The following PRPF40B variants were observed in gnomAD, a reference collection of about 807,000 sequenced individuals.
The protein encoded by PRPF40B is pre-mRNA processing factor 40B, also known as pre-mRNA-processing factor 40 homolog B.
PRPF40B carries 56 observed loss-of-function variants against 124.5 expected under a neutral mutation model. The ratio of observed to expected loss-of-function variants is 0.45; its 90% CI spans 0.36 to 0.56. The LOEUF is 0.56. Ranked by LOEUF, PRPF40B falls within the 20% of genes least tolerant of loss-of-function variation. PRPF40B has a pLI of 0.00. For missense variants in PRPF40B, 1,053 were observed against 1,169.5 expected, an observed-to-expected ratio of 0.90 and a Z score of 1.45; for synonymous variants, 443 against 426.4, an observed-to-expected ratio of 1.04 and a Z score of -0.48.
At chr12:49,639,619 T>C (rs533116604) in intron 18 of PRPF40B, 1 of 152,304 alleles carries the variant, frequency 6.6e-6, no homozygotes, top group Admixed American at 6.5e-5. Context: ...TGAAGCAGCT[T>C]GAATCTTTTT....
chr12:49,642,733 C>G lies in PRPF40B; in HGVS notation c.2118+58C>G. On this transcript the variant is annotated intron_variant, in intron 21 of 25. Coordinates refer to ENST00000548825, the MANE Select transcript of PRPF40B (RefSeq NM_001031698.3). The surrounding 1 kb of genome is among the most constrained non-coding windows in gnomAD (Gnocchi z 5.8). ...GGCCCTTGAACTCATTAGACCAGTT[C>G]AACAGAGACCTCAGTGGCCTCCCTC... The G allele has an allele frequency of 6.4e-7, 1 of 1,556,144 alleles. No individual in the cohort carries two copies. The highest frequency in any genetic ancestry group is 1.2e-5 in the South Asian group (1 of 86,220).
chr12:49,632,016 C>A lies in PRPF40B; in HGVS notation c.294+91C>A. 18 of 1,294,722 alleles carry A rather than the reference C, an allele frequency of 1.4e-5. No homozygotes were observed. In the South Asian group the frequency reaches 2.1e-4, roughly 15 times the overall value. 80.2% of individuals were successfully genotyped at this position (1,294,722 alleles called of 1,614,324 possible). A position where few individuals can be genotyped will look rare whatever the true frequency, so the allele number is the denominator to read the frequency against. Reference sequence around the variant, plus strand: ...CAGGACTATGACCTCCATTCTTTCCCTCTTCTCATCGCATCCACCCAGGTC... The same window carrying A: ...CAGGACTATGACCTCCATTCTTTCCATCTTCTCATCGCATCCACCCAGGTC... On this transcript the variant is annotated intron_variant, in intron 4 of 25. Transcript: ENST00000548825.
intron 7 of PRPF40B, 37 bp downstream of exon 7, chr12:49,633,161 G>T (rs1565830419): frequency 6.5e-7 from 1 of 1,527,408 alleles, no homozygotes; most frequent in East Asian, 2.3e-5. Flanking sequence ...CCTTTCAGCT[G>T]CCCTGACCCT....
Position 49,635,581 on chromosome 12 carries a change from A to C in PRPF40B, c.1275+108A>C. On this transcript the variant is annotated intron_variant, in intron 14 of 25. Coordinates refer to ENST00000548825, the MANE Select transcript of PRPF40B (RefSeq NM_001031698.3). This position sits in a 1 kb window ranked among gnomAD's most constrained non-coding sequence, Gnocchi z 4.1. ...TACTTCTCTACTTCCCCAGTGTCCC[A>C]GCTTCTGACTTGGAAGCTGGTATGG... is the stretch of plus-strand genomic sequence containing the variant. 1 of 1,147,364 alleles carries C rather than the reference A, an allele frequency of 8.7e-7. No homozygotes were observed. The highest frequency in any genetic ancestry group is 1.2e-6 in the Non-Finnish European group (1 of 806,898). The allele number at this position is 1,147,364 out of a possible 1,614,324, so 71.1% of individuals were successfully genotyped here.
intron 10 of PRPF40B, 54 bp from the exon 11 acceptor site, chr12:49,634,278 C>T (rs1941524411): frequency 6.2e-7 from 1 of 1,612,898 alleles, no homozygotes; most frequent in African/African-American, 1.3e-5. Context: ...GTTCAGGGCA[C>T]TGAAAGCTGT....
intron 10 of PRPF40B, 102 bp downstream of exon 10, chr12:49,634,194 G>A: frequency 6.3e-7 from 1 of 1,575,014 alleles, no homozygotes; most frequent in Non-Finnish European, 8.6e-7. Flanking sequence ...GGGGTTTGAA[G>A]ATCTGGGTGT....
chr12:49,624,953 C>T (rs996542283), intron 1 of PRPF40B, among the ~76,000 whole-genome samples: 1 of 151,780 alleles, frequency 6.6e-6, no homozygotes, highest in African/African-American at 2.4e-5. Context: ...CTAGGATGGT[C>T]TTTGAAACGG....
Position 49,626,659 on chromosome 12 carries a change from T to G in PRPF40B, c.3+3066T>G, listed in dbSNP as rs1940745871. 2.0e-5 allele frequency among the ~76,000 whole-genome samples: 3 copies of G among 152,278 alleles called. No homozygotes were observed. In the South Asian group the frequency reaches 6.2e-4, roughly 32 times the overall value. The stretch of plus-strand genomic sequence containing the variant: ...AAAGAAGAGTGTGGGGCGGCCTTCG[T>G]TGCAAGGCTTTGACTGTTAGATGAA... On this transcript the variant is annotated intron_variant, in intron 1 of 25. Transcript: ENST00000548825.
intron 1 of PRPF40B, chr12:49,624,161 G>A: frequency 3.0e-6 from 3 of 985,634 alleles, no homozygotes; most frequent in Non-Finnish European, 3.6e-6. Flanking sequence ...ACGACTCTGT[G>A]TGACCTTGGG....
rs767582075 is a variant in PRPF40B at position 49,634,389 on chromosome 12, G to A, written c.870G>A (p.Arg290=). The A allele has an allele frequency of 1.2e-6, 2 of 1,614,122 alleles. No individual in the cohort carries two copies. Among genetic ancestry groups the A allele is most frequent in the Non-Finnish European group, 1.7e-6 (2 of 1,180,048 alleles). ...AGGAATCAAAGCCAGAACCAGAGAG[G>A]TCTGGCCTCAGTTGGAGCAACCGGG... The part of the protein sequence containing the change: ...EEEESKPEPE[R]SGLSWSNREK... The change falls in exon 11 of 26, where the codon AGG becomes AGA. Residue 290 remains arginine, a synonymous_variant. Coordinates refer to ENST00000548825, the MANE Select transcript of PRPF40B (RefSeq NM_001031698.3).
In PRPF40B at chr12:49,642,144, A is replaced by AC; in HGVS notation, c.1885-88dup. 6.2e-7 allele frequency: 1 copy of AC among 1,607,352 alleles called. No individual in the cohort carries two copies. Among genetic ancestry groups the AC allele is most frequent in the Non-Finnish European group, 8.5e-7 (1 of 1,175,556 alleles). ...TCAGGGGATGGTGGTAGAAGCCCAG[A>AC]CCCTAACTTTCCACCTCCTAAGGTA... On this transcript the variant is annotated intron_variant, in intron 19 of 25. Coordinates refer to ENST00000548825, the MANE Select transcript of PRPF40B (RefSeq NM_001031698.3). The surrounding 1 kb of genome is among the most constrained non-coding windows in gnomAD (Gnocchi z 5.8).
intron 7 of PRPF40B, 90 bp downstream of exon 7, chr12:49,633,214 A>G (rs1941414647): frequency 7.7e-7 from 1 of 1,306,024 alleles, no homozygotes; most frequent in Non-Finnish European, 1.1e-6. Flanking sequence ...CATATTCATG[A>G]TGGTTCCTCT....
At position 49,642,351 on chromosome 12, in the gene PRPF40B, G is replaced by A; in HGVS notation, c.2001G>A (p.Glu667=). The A allele has an allele frequency of 1.2e-6, 2 of 1,613,944 alleles. No homozygotes were observed. Among genetic ancestry groups the A allele is most frequent in the Non-Finnish European group, 8.5e-7 (1 of 1,180,040 alleles). ...SMLRQAVPAL[E]LGTAWEEVRE... ...TGAGGCAGGCTGTGCCTGCTCTGGA[G>A]CTAGGCACTGCCTGGGAAGAGGTCA... is the stretch of plus-strand genomic sequence containing the variant. The change falls in exon 20 of 26, where the codon GAG becomes GAA. Residue 667 remains glutamate (E), a synonymous_variant. Coordinates refer to ENST00000548825, the MANE Select transcript of PRPF40B (RefSeq NM_001031698.3). This position sits in a 1 kb window ranked among gnomAD's most constrained non-coding sequence, Gnocchi z 5.8.
At chr12:49,622,709 A>G (rs1940319163), upstream of PRPF40B, 1 of 152,202 alleles carries the variant, frequency 6.6e-6, no homozygotes, top group African/African-American at 2.4e-5. Flanking sequence ...GGAACCTAGC[A>G]CGGCATCACG....
At chr12:49,625,208 T>C (rs756798568) in intron 1 of PRPF40B, among the ~76,000 whole-genome samples, 21 of 152,144 alleles carry the variant, frequency 1.4e-4, no homozygotes, top group Non-Finnish European at 2.6e-4. Context: ...TGTATCTGAA[T>C]GTAAGCAGTA....
rs761770547 is a variant in PRPF40B, at chr12:49,644,577, C to A, written c.*385C>A. On this transcript the variant is annotated 3_prime_UTR_variant, in exon 26 of 26. Coordinates refer to ENST00000548825, the MANE Select transcript of PRPF40B (RefSeq NM_001031698.3). Reference sequence around the variant, plus strand: ...AGTGCCTGCTCCTGCCTGCCCTGGCCCTGAGGCTCCACCACTTCTTCCTCC... The same window carrying A: ...AGTGCCTGCTCCTGCCTGCCCTGGCACTGAGGCTCCACCACTTCTTCCTCC... The A allele has an allele frequency of 3.7e-5, 9 of 242,996 alleles. No homozygotes were observed. In the East Asian group the frequency reaches 6.7e-4, roughly 18 times the overall value. 15.1% of individuals were successfully genotyped at this position (242,996 alleles called of 1,614,324 possible). A position where few individuals can be genotyped will look rare whatever the true frequency, so the allele number is the denominator to read the frequency against.
Position 49,631,425 on chromosome 12 carries a change from C to G in PRPF40B, c.109C>G (p.Pro37Ala). The G allele has an allele frequency of 4.1e-6, 6 of 1,451,128 alleles. No homozygotes were observed. The highest frequency in any genetic ancestry group is 5.5e-6 in the Non-Finnish European group (6 of 1,093,986). The allele number at this position is 1,451,128 out of a possible 1,614,324, so 89.9% of individuals were successfully genotyped here. The stretch of plus-strand genomic sequence containing the variant: ...GATGCCCCCTCCAGGGATCCCCCCA[C>G]CCTTTCCTCCGATGGGGCTACCCCC... The part of the protein sequence containing the change: ...PFMPPPGIPP[P>A]FPPMGLPPMS... Residue 37 changes from proline (P) to alanine (A), a missense_variant, in exon 3 of 26, where the codon CCC becomes GCC. This residue lies in a region of PRPF40B where 158 missense variants were observed against 117.3 expected (regional missense o/e 1.35). Transcript: ENST00000548825. The surrounding 1 kb of genome is among the most constrained non-coding windows in gnomAD (Gnocchi z 4.3).
In PRPF40B at chr12:49,642,447, C is replaced by A; in HGVS notation, c.2022+75C>A. On this transcript the variant is annotated intron_variant, in intron 20 of 25. Coordinates refer to ENST00000548825, the MANE Select transcript of PRPF40B (RefSeq NM_001031698.3). The surrounding 1 kb of genome is among the most constrained non-coding windows in gnomAD (Gnocchi z 5.8). ...GTGCTTCACCACTGAGGGCCCACCCCAGTCACGTCACAGCCCTGGGCCAGC... is the reference window on the plus strand; with the variant it reads ...GTGCTTCACCACTGAGGGCCCACCCAAGTCACGTCACAGCCCTGGGCCAGC... 1 of 1,580,246 alleles carries A rather than the reference C, an allele frequency of 6.3e-7. No homozygotes were observed. Among genetic ancestry groups the A allele is most frequent in the Non-Finnish European group, 8.7e-7 (1 of 1,152,116 alleles).
At chr12:49,627,059 T>A (rs1213554250) in intron 1 of PRPF40B, among the ~76,000 whole-genome samples, 1 of 152,178 alleles carries the variant, frequency 6.6e-6, no homozygotes, top group Non-Finnish European at 1.5e-5. Context: ...AACACATACT[T>A]ATTAGCACCT....
Sources: gnomAD v4.1 joint callset for allele counts (sites outside exome capture counted in the v4.1 genomes callset) on GRCh38, gnomAD v4.1.1 for gene constraint, gnomAD v4.1.1 regional missense constraint, Gnocchi (gnomAD v3.1) non-coding constraint, MANE v1.5 for transcripts, NCBI Gene and HGNC (gene_info 2026-07-23, HGNC 2026-07-21) for gene names.